The following PCDHA12 variants were observed in gnomAD, a reference collection of about 807,000 sequenced individuals.
PCDHA12 encodes protocadherin alpha 12.
PCDHA12 carries 44 observed loss-of-function variants against 60.0 expected under a neutral mutation model. That is an observed-to-expected ratio of 0.73 (90% CI 0.58 to 0.94). The LOEUF (loss-of-function observed/expected upper bound fraction) is 0.94. Ranked by LOEUF, PCDHA12 falls within the 40% of genes least tolerant of loss-of-function variation. PCDHA12 has a pLI of 0.00. For missense variants in PCDHA12, 1,276 were observed against 1,239.7 expected (o/e 1.03, Z -0.44); for synonymous variants, 569 against 553.0 (o/e 1.03, Z -0.40).
intron 1 of PCDHA12, among the ~76,000 whole-genome samples, chr5:140,941,211 C>CTCT (rs2092852939): frequency 7.7e-6 from 1 of 129,628 alleles, no homozygotes; most frequent in East Asian, 2.4e-4. Context: ...TCCTTTCTTT[C>CTCT]TTCCTTTCTT....
intron 1 of PCDHA12, among the ~76,000 whole-genome samples, chr5:140,973,299 T>C (rs1191449890): frequency 1.3e-5 from 2 of 152,198 alleles, no homozygotes; most frequent in African/African-American, 4.8e-5. Flanking sequence ...TTCTATCTGA[T>C]GACTCTATCC....
At chr5:140,945,206 A>G (rs148955371) in intron 1 of PCDHA12, among the ~76,000 whole-genome samples, 1 of 152,282 alleles carries the variant, frequency 6.6e-6, no homozygotes, top group East Asian at 1.9e-4. Context: ...TACAATAGCT[A>G]TGAGAAAATA....
intron 1 of PCDHA12, among the ~76,000 whole-genome samples, chr5:140,900,263 G>A (rs909474202): frequency 2.0e-5 from 3 of 151,830 alleles, no homozygotes; most frequent in African/African-American, 7.3e-5. Flanking sequence ...GTACTCCATT[G>A]TGTATATGTA....
At chr5:140,882,300 C>T in intron 1 of PCDHA12, 2 of 1,613,722 alleles carry the variant, frequency 1.2e-6, no homozygotes, top group Non-Finnish European at 1.7e-6. Context: ...GGCCCAAGAC[C>T]GCGGCAACTA....
intron 1 of PCDHA12, among the ~76,000 whole-genome samples, chr5:140,899,116 T>C (rs563698448): frequency 6.6e-6 from 1 of 152,246 alleles, no homozygotes; most frequent in South Asian, 2.1e-4. Flanking sequence ...TTTCTAGATA[T>C]ACAATCATGT....
intron 3 of PCDHA12, among the ~76,000 whole-genome samples, chr5:140,985,454 A>G (rs1378044295): frequency 1.3e-5 from 2 of 152,188 alleles, no homozygotes; most frequent in Non-Finnish European, 2.9e-5. Context: ...GAAAAGGGAA[A>G]TGCTCCAAAA....
Position 140,876,574 on chromosome 5 carries a change from G to A in PCDHA12, c.1102G>A (p.Val368Ile), listed in dbSNP as rs1554168680. The change falls in exon 1 of 4, where the codon GTC (valine) becomes ATC (isoleucine). Residue 368 changes from valine (V) to isoleucine (I), a missense_variant. Physicochemically the swap from Val to Ile is conservative, Grantham distance 29. Transcript: ENST00000398631. Reference sequence around the variant, plus strand: ...GCAAGAGGATGCTCAGGTGGGTACCGTCATTGCCCTGATTAGCGTGTCGGA... The same window carrying A: ...GCAAGAGGATGCTCAGGTGGGTACCATCATTGCCCTGATTAGCGTGTCGGA... ...PVQEDAQVGT[V>I]IALISVSDRD... 3 of 1,614,158 alleles carry A rather than the reference G, an allele frequency of 1.9e-6. No individual in the cohort carries two copies. Among genetic ancestry groups the A allele is most frequent in the Non-Finnish European group, 2.5e-6 (3 of 1,180,034 alleles).
intron 1 of PCDHA12, among the ~76,000 whole-genome samples, chr5:140,901,473 A>C (rs1554189862): frequency 1.3e-5 from 2 of 152,012 alleles, no homozygotes. Flanking sequence ...TCTCGAGTTT[A>C]TGTTCTTGGC....
Position 140,875,422 on chromosome 5 carries a change from AG to A in PCDHA12, c.-50del, listed in dbSNP as rs1554167622. 6.6e-7 allele frequency: 1 copy of A among 1,524,010 alleles called. No homozygotes were observed. The highest frequency in any genetic ancestry group is 8.8e-7 in the Non-Finnish European group (1 of 1,138,954). 94.4% of individuals were successfully genotyped at this position (1,524,010 alleles called of 1,614,324 possible). A position where few individuals can be genotyped will look rare whatever the true frequency, so the allele number is the denominator to read the frequency against. ...GACTGCTCATAAAATACCTCAGGCA[AG>A]CGATCCCTTAAAACTGATTGTCCCA... is the stretch of plus-strand genomic sequence containing the variant. On this transcript the variant is annotated 5_prime_UTR_variant, in exon 1 of 4. The change creates a premature stop within an existing upstream ORF in the 5' untranslated region. Transcript: ENST00000398631.
intron 1 of PCDHA12, among the ~76,000 whole-genome samples, chr5:140,978,316 A>AC (rs1370469532): frequency 5.4e-4 from 83 of 152,358 alleles, no homozygotes; most frequent in African/African-American, 1.9e-3. Context: ...AGGAGCAGGA[A>AC]CAAGTACAAG....
chr5:141,005,333 A>T (rs1554260005), intron 3 of PCDHA12, among the ~76,000 whole-genome samples: 1 of 152,224 alleles, frequency 6.6e-6, no homozygotes, highest in Non-Finnish European at 1.5e-5. Flanking sequence ...TAATAGGCCA[A>T]GGGGGTGCTG....
Position 140,938,847 on chromosome 5 carries a change from T to C in PCDHA12, c.2368-40102T>C, listed in dbSNP as rs371783438. 4.6e-5 allele frequency among the ~76,000 whole-genome samples: 7 copies of C among 152,194 alleles called. No individual in the cohort carries two copies. The South Asian group carries it at 6.2e-4, about 14-fold the overall frequency. ...GTTTGCGTTATAACAAACCTGCCCA[T>C]GTACCCCTGAACTTAAAAGTTAAGA... On this transcript the variant is annotated intron_variant, in intron 1 of 3. Transcript: ENST00000398631.
chr5:140,996,848 G>A (rs560517454), intron 3 of PCDHA12, among the ~76,000 whole-genome samples: 1 of 152,254 alleles, frequency 6.6e-6, no homozygotes, highest in African/African-American at 2.4e-5. Flanking sequence ...TGCATCTTCA[G>A]AATTCTTTAT....
At chr5:140,878,098 A>C in intron 1 of PCDHA12, 1 of 278,310 alleles carries the variant, frequency 3.6e-6, no homozygotes, top group Non-Finnish European at 6.4e-6. Flanking sequence ...TGACTGATGA[A>C]CCTTGAAAAA....
At chr5:140,879,297 A>G (rs573154436) in intron 1 of PCDHA12, among the ~76,000 whole-genome samples, 1 of 152,346 alleles carries the variant, frequency 6.6e-6, no homozygotes, top group African/African-American at 2.4e-5. Flanking sequence ...TAAGAGAAAA[A>G]CAAAAGTAGA....
rs1032045343 is a variant in PCDHA12 at position 140,949,549 on chromosome 5, G to A, written c.2368-29400G>A. On this transcript the variant is annotated intron_variant, in intron 1 of 3. Transcript: ENST00000398631. Reference sequence around the variant, plus strand: ...CTTCATAAAATATCGATTTGTTGCTGGTCATACTTTTTTTCTTGTAGTAGC... The same window carrying A: ...CTTCATAAAATATCGATTTGTTGCTAGTCATACTTTTTTTCTTGTAGTAGC... Among the ~76,000 whole-genome samples the A allele has an allele frequency of 2.0e-5, 3 of 151,684 alleles. No homozygotes were observed. In the South Asian group the frequency reaches 6.2e-4, roughly 31 times the overall value.
At position 141,000,421 on chromosome 5, in the gene PCDHA12, A is replaced by ATTTTTT. The variant is rs34755515; in HGVS notation, c.2516-9188_2516-9183dup. On this transcript the variant is annotated intron_variant, in intron 3 of 3. Coordinates refer to ENST00000398631, the MANE Select transcript of PCDHA12 (RefSeq NM_018903.4). ...TATATATATATATATATATATATAT[A>ATTTTTT]TTTTTTTTTTTTTTTTTTTTTTTGA... 3.2e-4 allele frequency among the ~76,000 whole-genome samples: 9 copies of ATTTTTT among 27,978 alleles called. 1 individual carries two copies. The highest frequency in any genetic ancestry group is 5.3e-4 in the African/African-American group (3 of 5,638). 18.4% of individuals were successfully genotyped at this position (27,978 alleles called of 152,430 possible).
chr5:140,902,421 A>G (rs1187358402), intron 1 of PCDHA12, among the ~76,000 whole-genome samples: 4 of 152,076 alleles, frequency 2.6e-5, no homozygotes, highest in Non-Finnish European at 5.9e-5. Context: ...AACAGTGGTG[A>G]AAGTGGGCAT....
chr5:141,010,315 T>G lies in PCDHA12; in HGVS notation c.*378T>G. ...AGGGCAGGCTGAAAAGTTTTGAGAT[T>G]GAGCAGCTTGGGAGTTTGTGGCCAC... On this transcript the variant is annotated 3_prime_UTR_variant, in exon 4 of 4. Transcript: ENST00000398631. 2.6e-6 allele frequency: 4 copies of G among 1,546,626 alleles called. No homozygotes were observed. Among genetic ancestry groups the G allele is most frequent in the Non-Finnish European group, 3.5e-6 (4 of 1,145,530 alleles).
Sources: gnomAD v4.1 joint callset for allele counts (sites outside exome capture counted in the v4.1 genomes callset) on GRCh38, gnomAD v4.1.1 for gene constraint, MANE v1.5 for transcripts, NCBI Gene and HGNC (gene_info 2026-07-23, HGNC 2026-07-21) for gene names.